The following ACER3 variants were observed in gnomAD, a reference collection of about 807,000 sequenced individuals.
ACER3 encodes alkaline ceramidase 3, also known as alkCDase 3.
ACER3 carries 16 observed loss-of-function variants against 48.9 expected under a neutral mutation model. The ratio of observed to expected loss-of-function variants is 0.33; its 90% CI spans 0.22 to 0.50. The LOEUF is 0.50. Among genes scored for constraint, ACER3 ranks in the 20% least tolerant of loss-of-function variants. The probability of loss-of-function intolerance (pLI) is 0.98; values close to 1 mark genes in which losing one functional copy is unlikely to be tolerated. For synonymous variants in ACER3, 109 were observed against 107.8 expected (o/e 1.01, Z -0.07); for missense variants, 227 against 326.0 (o/e 0.70, Z 2.34).
chr11:76,992,964 G>A (rs912030822), intron 6 of ACER3, among the ~76,000 whole-genome samples: 3 of 151,888 alleles, frequency 2.0e-5, no homozygotes, highest in African/African-American at 7.3e-5. Context: ...GACCTCCTGG[G>A]CTCAAGCAGT....
intron 1 of ACER3, among the ~76,000 whole-genome samples, chr11:76,894,472 G>C (rs1373639818): frequency 6.6e-6 from 1 of 152,152 alleles, no homozygotes; most frequent in Non-Finnish European, 1.5e-5. Context: ...AATATGCTTA[G>C]ACTTAGGTTT....
At chr11:76,959,152 T>C in intron 3 of ACER3, 121 bp downstream of exon 3, 1 of 1,552,324 alleles carries the variant, frequency 6.4e-7, no homozygotes, top group Non-Finnish European at 8.7e-7. Flanking sequence ...AGTTTTTTAC[T>C]TCAAGTCTGA....
chr11:76,921,246 A>G (rs1946679264), intron 1 of ACER3, among the ~76,000 whole-genome samples: 1 of 152,102 alleles, frequency 6.6e-6, no homozygotes, highest in Non-Finnish European at 1.5e-5. Context: ...TTTCTTCTGA[A>G]GGTTTTATTG....
chr11:76,936,842 C>T (rs531513669), intron 2 of ACER3, among the ~76,000 whole-genome samples: 29 of 151,968 alleles, frequency 1.9e-4, no homozygotes, highest in African/African-American at 6.5e-4. Flanking sequence ...CTCAGCCTCC[C>T]GAGTAGCTGG....
At chr11:77,012,716 T>C (rs1249481843) in intron 7 of ACER3, among the ~76,000 whole-genome samples, 1 of 152,176 alleles carries the variant, frequency 6.6e-6, no homozygotes, top group African/African-American at 2.4e-5. Context: ...TAAACTTCAA[T>C]ATTGTTAAGA....
At chr11:76,961,937 G>A (rs567815569) in intron 3 of ACER3, among the ~76,000 whole-genome samples, 1 of 150,562 alleles carries the variant, frequency 6.6e-6, no homozygotes, top group East Asian at 1.9e-4. Context: ...AGCCAAGTGG[G>A]AAACACCTTA....
intron 1 of ACER3, among the ~76,000 whole-genome samples, chr11:76,915,366 C>T (rs7102199): frequency 0.11 from 16,218 of 151,828 alleles, 2,864 homozygotes; most frequent in African/African-American, 0.37. Context: ...GAATTGAGCA[C>T]GCGCAGTGTG....
rs1555024413 is a variant in ACER3 at position 77,021,204 on chromosome 11, T to C, written c.*877T>C. ...TATTTGAAGTTGTCAGGGAATGTCATTACACTCTGATTTTTAAAATTATGC... is the reference window on the plus strand; with the variant it reads ...TATTTGAAGTTGTCAGGGAATGTCACTACACTCTGATTTTTAAAATTATGC... On this transcript the variant is annotated 3_prime_UTR_variant, in exon 11 of 11. Coordinates refer to ENST00000532485, the MANE Select transcript of ACER3 (RefSeq NM_018367.7). The C allele has an allele frequency of 6.6e-6, 1 of 152,222 alleles. No homozygotes were observed. The highest frequency in any genetic ancestry group is 1.5e-5 in the Non-Finnish European group (1 of 68,040). 9.4% of individuals were successfully genotyped at this position (152,222 alleles called of 1,614,324 possible).
At chr11:76,915,484 G>A (rs1165290810) in intron 1 of ACER3, among the ~76,000 whole-genome samples, 1 of 151,890 alleles carries the variant, frequency 6.6e-6, no homozygotes, top group Non-Finnish European at 1.5e-5. Flanking sequence ...ATGTTAACAG[G>A]TGTGGACCAT....
chr11:76,934,900 C>T (rs1565186729), intron 2 of ACER3, among the ~76,000 whole-genome samples: 1 of 152,088 alleles, frequency 6.6e-6, no homozygotes, highest in African/African-American at 2.4e-5. Flanking sequence ...GAATCAAAAC[C>T]ATTTGCGTGA....
At chr11:76,936,957 T>C (rs1204632183) in intron 2 of ACER3, among the ~76,000 whole-genome samples, 1 of 152,152 alleles carries the variant, frequency 6.6e-6, no homozygotes. Context: ...CCTCAAGTGA[T>C]CTGCCCACCT....
At chr11:76,907,068 C>T (rs1946253702) in intron 1 of ACER3, among the ~76,000 whole-genome samples, 1 of 152,178 alleles carries the variant, frequency 6.6e-6, no homozygotes, top group Non-Finnish European at 1.5e-5. Flanking sequence ...ACTTCTCTCA[C>T]TGTTTTTTTT....
chr11:76,985,798 C>A, intron 5 of ACER3, 74 bp downstream of exon 5: 1 of 857,186 alleles, frequency 1.2e-6, no homozygotes, highest in Non-Finnish European at 1.7e-6. Context: ...ATTTTACTTC[C>A]AGTATTTGCT....
intron 2 of ACER3, among the ~76,000 whole-genome samples, chr11:76,944,861 T>C (rs1947433393): frequency 6.6e-6 from 1 of 152,148 alleles, no homozygotes; most frequent in Non-Finnish European, 1.5e-5. Context: ...AGTCATTTTA[T>C]GTAGTCCCAG....
At chr11:76,962,648 C>A (rs527405856) in intron 3 of ACER3, among the ~76,000 whole-genome samples, 1 of 151,614 alleles carries the variant, frequency 6.6e-6, no homozygotes, top group East Asian at 1.9e-4. Context: ...AGGCTCTTGG[C>A]ACCATCACAA....
Position 77,016,706 on chromosome 11 carries a change from G to A in ACER3, c.631G>A (p.Gly211Ser), listed in dbSNP as rs782673196. 1 of 1,598,884 alleles carries A rather than the reference G, an allele frequency of 6.3e-7. No individual in the cohort carries two copies. ...TCGAAAGAAGGTACCACCTATCATA[G>A]GTATTACCACACAATTTCATGCATG... ...NFRKKVPPII[G>S]ITTQFHAWWH... Residue 211 changes from glycine to serine, a missense_variant, in exon 9 of 11, where the codon GGT (glycine) becomes AGT (serine). Around this residue, in one of 3 missense-constraint regions of ACER3, gnomAD observed 195 missense variants for 290.8 expected, o/e 0.67. Coordinates refer to ENST00000532485, the MANE Select transcript of ACER3 (RefSeq NM_018367.7).
intron 2 of ACER3, among the ~76,000 whole-genome samples, chr11:76,940,149 A>T (rs974548453): frequency 8.1e-5 from 12 of 148,472 alleles, no homozygotes; most frequent in Non-Finnish European, 1.2e-4. Flanking sequence ...AGATACTTAA[A>T]TTTTTTTTTT....
intron 2 of ACER3, among the ~76,000 whole-genome samples, chr11:76,937,313 A>G (rs915914842): frequency 1.3e-5 from 2 of 152,234 alleles, no homozygotes; most frequent in African/African-American, 4.8e-5. Context: ...GAATTTGGCA[A>G]TATCTGACAA....
Position 76,993,219 on chromosome 11 carries a change from A to G in ACER3, c.438+2645A>G, listed in dbSNP as rs1202686130. ...GTGCCTTCAATGTTCCAGACACTGT[A>G]CTAGGCACAAGAGATACATATACTA... On this transcript the variant is annotated intron_variant, in intron 6 of 10. Transcript: ENST00000532485. Among the ~76,000 whole-genome samples, 5 of 152,198 alleles carry G rather than the reference A, an allele frequency of 3.3e-5. No homozygotes were observed. In the East Asian group the frequency reaches 7.7e-4, roughly 23 times the overall value.
Sources: allele counts gnomAD v4.1 joint callset (sites outside exome capture counted in the v4.1 genomes callset), GRCh38; gene constraint gnomAD v4.1.1; regional missense constraint gnomAD v4.1.1; transcripts MANE v1.5; gene names NCBI Gene and HGNC (gene_info 2026-07-23, HGNC 2026-07-21).